CACNA2D1: variants seen among roughly 807,000 people sequenced by gnomAD.
CACNA2D1 encodes voltage-dependent calcium channel subunit alpha-2/delta-1.
Under a neutral mutation model 171.5 loss-of-function variants are expected in CACNA2D1, and 53 were observed. The ratio of observed to expected loss-of-function variants is 0.31; its 90% CI spans 0.25 to 0.39. The LOEUF (loss-of-function observed/expected upper bound fraction) is 0.39, where lower values mean the gene tolerates loss of function less well. CACNA2D1 is among the 10% of genes least tolerant of loss of function. The probability of loss-of-function intolerance (pLI) is 1.00; values close to 1 mark genes in which losing one functional copy is unlikely to be tolerated. For synonymous variants in CACNA2D1, 442 were observed against 443.1 expected (o/e 1.00, Z 0.03); for missense variants, 903 against 1,299.8 (o/e 0.69, Z 4.69).
chr7:82,189,428 A>G (rs1253322996), intron 3 of CACNA2D1, among the ~76,000 whole-genome samples: 1 of 151,956 alleles, frequency 6.6e-6, no homozygotes, highest in African/African-American at 2.4e-5. Flanking sequence ...TTTGGCCCAA[A>G]TATGCATTAC....
intron 6 of CACNA2D1, among the ~76,000 whole-genome samples, chr7:82,085,680 A>G (rs1017498421): frequency 1.3e-5 from 2 of 148,484 alleles, no homozygotes; most frequent in South Asian, 4.4e-4. Flanking sequence ...ACCTTCATAA[A>G]CAATAGTTTT....
At chr7:82,039,620 A>G (rs1803707708) in intron 10 of CACNA2D1, among the ~76,000 whole-genome samples, 1 of 152,212 alleles carries the variant, frequency 6.6e-6, no homozygotes. Context: ...AAGCAATATA[A>G]TATTATGCTC....
At position 82,290,975 on chromosome 7, in the gene CACNA2D1, CT is replaced by C. The variant is rs3054678; in HGVS notation, c.294+44159del. On this transcript the variant is annotated intron_variant, in intron 3 of 38. Transcript: ENST00000356860. ...AGCCAGTCATTTTCTACTTTCTTTT[CT>C]TTTTTTTTTTTTCCTTTGAGACAGG... Among the ~76,000 whole-genome samples the C allele has an allele frequency of 7.4e-4, 103 of 138,832 alleles. 1 individual carries two copies. Among genetic ancestry groups the C allele is most frequent in the East Asian group, 1.7e-3 (8 of 4,718 alleles). The allele number at this position is 138,832 out of a possible 152,430, so 91.1% of individuals were successfully genotyped here.
chr7:82,312,146 A>T (rs77222164), intron 3 of CACNA2D1, among the ~76,000 whole-genome samples: 2,066 of 152,300 alleles, frequency 0.014, 96 homozygotes, highest in East Asian at 0.096. Flanking sequence ...TAAACAAATA[A>T]TCAGGCCAAG....
At chr7:81,962,717 G>C (rs2130268270) in intron 34 of CACNA2D1, among the ~76,000 whole-genome samples, 1 of 152,070 alleles carries the variant, frequency 6.6e-6, no homozygotes, top group South Asian at 2.1e-4. Flanking sequence ...TCAGGATCAA[G>C]TGGGACACAA....
At chr7:82,064,181 C>T in intron 9 of CACNA2D1, 123 bp downstream of exon 9, 1 of 594,346 alleles carries the variant, frequency 1.7e-6, no homozygotes, top group South Asian at 2.4e-5. Context: ...ATATAAAAGT[C>T]ATCATAATTT....
chr7:82,402,195 G>C (rs1408665041), intron 1 of CACNA2D1, among the ~76,000 whole-genome samples: 1 of 152,108 alleles, frequency 6.6e-6, no homozygotes, highest in Non-Finnish European at 1.5e-5. Context: ...AATAGGCAAA[G>C]GAACAGCATA....
chr7:82,381,871 T>C lies in CACNA2D1; in HGVS notation c.96-32222A>G, dbSNP rs556109152. Among the ~76,000 whole-genome samples the C allele has an allele frequency of 1.7e-4, 26 of 152,334 alleles. No homozygotes were observed. In the East Asian group the frequency reaches 4.2e-3, roughly 25 times the overall value. On this transcript the variant is annotated intron_variant, in intron 1 of 38. Coordinates refer to ENST00000356860, the MANE Select transcript of CACNA2D1 (RefSeq NM_000722.4). Reference sequence around the variant, plus strand: ...TTGCATTCAAACAACCCCGGCCTCTTATTTGCATTTGCCTTTTTCCAGTCT... The same window carrying C: ...TTGCATTCAAACAACCCCGGCCTCTCATTTGCATTTGCCTTTTTCCAGTCT...
At chr7:82,426,947 A>G (rs1189007901) in intron 1 of CACNA2D1, among the ~76,000 whole-genome samples, 3 of 152,336 alleles carry the variant, frequency 2.0e-5, no homozygotes, top group South Asian at 2.1e-4. Flanking sequence ...GTGTATTGTT[A>G]TAACTGTTCC....
chr7:81,965,736 A>G, intron 31 of CACNA2D1, 71 bp from the exon 32 acceptor site: 1 of 858,402 alleles, frequency 1.2e-6, no homozygotes, highest in East Asian at 2.4e-5. Context: ...TTACCCCATT[A>G]TATACATGAT....
At chr7:82,322,151 A>C (rs1384745766) in intron 3 of CACNA2D1, among the ~76,000 whole-genome samples, 2 of 148,732 alleles carry the variant, frequency 1.3e-5, no homozygotes, top group African/African-American at 4.9e-5. Context: ...AAAAAAAAAA[A>C]AAACAAGCTA....
chr7:81,987,147 T>C (rs1797055085), intron 21 of CACNA2D1, among the ~76,000 whole-genome samples: 1 of 152,308 alleles, frequency 6.6e-6, no homozygotes, highest in South Asian at 2.1e-4. Flanking sequence ...TTGTTATTAA[T>C]AGCTACAGTC....
At chr7:82,187,016 T>C (rs1328943821) in intron 3 of CACNA2D1, among the ~76,000 whole-genome samples, 1 of 152,216 alleles carries the variant, frequency 6.6e-6, no homozygotes, top group Non-Finnish European at 1.5e-5. Context: ...AACTTCTTTT[T>C]TCCTTCCATA....
At chr7:82,402,951 G>A (rs1304480345) in intron 1 of CACNA2D1, among the ~76,000 whole-genome samples, 1 of 151,926 alleles carries the variant, frequency 6.6e-6, no homozygotes, top group Non-Finnish European at 1.5e-5. Context: ...TTAAAATGTG[G>A]CAAAGGCTTG....
At chr7:82,354,533 G>A (rs959863788) in intron 1 of CACNA2D1, among the ~76,000 whole-genome samples, 5 of 152,170 alleles carry the variant, frequency 3.3e-5, no homozygotes, top group Admixed American at 3.3e-4. Flanking sequence ...GGAATAACTA[G>A]AACAAAAGTT....
intron 1 of CACNA2D1, among the ~76,000 whole-genome samples, chr7:82,402,866 G>T (rs1311610571): frequency 6.6e-6 from 1 of 151,982 alleles, no homozygotes; most frequent in African/African-American, 2.4e-5. Flanking sequence ...CTGTAGTGTG[G>T]AGAACAGATC....
chr7:82,431,685 T>C (rs1056880263), intron 1 of CACNA2D1, among the ~76,000 whole-genome samples: 1 of 152,010 alleles, frequency 6.6e-6, no homozygotes, highest in African/African-American at 2.4e-5. Context: ...GTTCCCGCAT[T>C]TACAAAACAA....
chr7:82,355,440 G>T (rs544136355), intron 1 of CACNA2D1, among the ~76,000 whole-genome samples: 84 of 152,220 alleles, frequency 5.5e-4, no homozygotes, highest in African/African-American at 1.9e-3. Flanking sequence ...GTCTCCAACA[G>T]TAACAGAAGT....
chr7:82,189,179 A>T (rs1322966085), intron 3 of CACNA2D1, among the ~76,000 whole-genome samples: 1 of 152,032 alleles, frequency 6.6e-6, no homozygotes, highest in African/African-American at 2.4e-5. Context: ...ACAAAAGTTA[A>T]AAATAATTAG....
Sources: gnomAD v4.1 joint callset for allele counts (sites outside exome capture counted in the v4.1 genomes callset) on GRCh38, gnomAD v4.1.1 for gene constraint, MANE v1.5 for transcripts, NCBI Gene and HGNC (gene_info 2026-07-23, HGNC 2026-07-21) for gene names.